TBC1D15: variants seen among roughly 807,000 people sequenced by gnomAD.
The protein encoded by TBC1D15 is GAP for RAB7.
Under a neutral mutation model 95.4 loss-of-function variants are expected in TBC1D15, and 39 were observed. That is an observed-to-expected ratio of 0.41 (90% CI 0.32 to 0.53). The LOEUF is 0.53. Among genes scored for constraint, TBC1D15 ranks in the 20% least tolerant of loss-of-function variants. The pLI, the probability that TBC1D15 is intolerant of heterozygous loss-of-function variation, is 0.29. For missense variants in TBC1D15, 733 were observed against 794.3 expected (o/e 0.92, Z 0.93); for synonymous variants, 258 against 261.3 (o/e 0.99, Z 0.12).
At chr12:71,912,972 TAAA>T (rs1187636862) in intron 11 of TBC1D15, among the ~76,000 whole-genome samples, 1 of 152,074 alleles carries the variant, frequency 6.6e-6, no homozygotes, top group Non-Finnish European at 1.5e-5. Context: ...TAAGAGGAAG[TAAA>T]AAAGAAGTTT....
intron 3 of TBC1D15, among the ~76,000 whole-genome samples, chr12:71,880,200 A>G (rs1313815117): frequency 6.6e-6 from 1 of 152,000 alleles, no homozygotes; most frequent in Admixed American, 6.6e-5. Context: ...TGAGGCTTTT[A>G]TTATGAAAGC....
rs576469289 is a variant in TBC1D15, at chr12:71,843,684, T to G, written c.30+3873T>G. 5.3e-4 allele frequency among the ~76,000 whole-genome samples: 80 copies of G among 152,286 alleles called. 4 individuals are homozygous for G. In the South Asian group the frequency reaches 0.015, roughly 29 times the overall value. On this transcript the variant is annotated intron_variant, in intron 1 of 16. Coordinates refer to ENST00000485960, the MANE Select transcript of TBC1D15 (RefSeq NM_001146213.3). ...ATTTATTTTTGGGACAGTCTTGCTC[T>G]GTCACCCAGGCTGGAGTGCAGTGGT...
At chr12:71,860,800 A>G (rs544277709) in intron 1 of TBC1D15, among the ~76,000 whole-genome samples, 15 of 152,294 alleles carry the variant, frequency 9.8e-5, no homozygotes, top group African/African-American at 3.6e-4. Context: ...CTTGTCTTGT[A>G]CCAGATCTTA....
chr12:71,918,944 CTTTTA>C (rs77216294), intron 14 of TBC1D15, among the ~76,000 whole-genome samples: 13,931 of 151,996 alleles, frequency 0.092, 702 homozygotes, highest in South Asian at 0.14. Context: ...ATTTTTTCAA[CTTTTA>C]TTTTAGGTTC....
At chr12:71,861,272 A>G in intron 1 of TBC1D15, 1 of 436,056 alleles carries the variant, frequency 2.3e-6, no homozygotes, top group East Asian at 3.6e-5. Context: ...AGAGTTTGGG[A>G]AGAATTGACA....
chr12:71,878,563 T>G (rs1426482154), intron 3 of TBC1D15, among the ~76,000 whole-genome samples: 3 of 151,450 alleles, frequency 2.0e-5, no homozygotes, highest in African/African-American at 4.8e-5. Flanking sequence ...TCATCCAGGC[T>G]GGAGTGCAGT....
At chr12:71,898,706 G>T (rs1451526466) in intron 10 of TBC1D15, among the ~76,000 whole-genome samples, 1 of 151,984 alleles carries the variant, frequency 6.6e-6, no homozygotes, top group African/African-American at 2.4e-5. Context: ...TATTGTATCT[G>T]GATTTGTATA....
intron 1 of TBC1D15, among the ~76,000 whole-genome samples, chr12:71,856,795 C>G (rs868733072): frequency 2.6e-5 from 4 of 152,116 alleles, no homozygotes; most frequent in Non-Finnish European, 5.9e-5. Context: ...TTGTCAGTGT[C>G]CATATATGCT....
intron 10 of TBC1D15, among the ~76,000 whole-genome samples, chr12:71,904,413 T>C (rs1900176158): frequency 6.6e-6 from 1 of 152,096 alleles, no homozygotes; most frequent in African/African-American, 2.4e-5. Context: ...TAAACAGATG[T>C]AGAGAAAATG....
intron 10 of TBC1D15, among the ~76,000 whole-genome samples, chr12:71,898,791 T>A (rs985379081): frequency 3.3e-5 from 5 of 152,176 alleles, no homozygotes; most frequent in African/African-American, 4.8e-5. Context: ...AATAATTTTT[T>A]AAATTATATT....
At chr12:71,848,377 C>A (rs1030313714) in intron 1 of TBC1D15, among the ~76,000 whole-genome samples, 1 of 152,122 alleles carries the variant, frequency 6.6e-6, no homozygotes, top group Non-Finnish European at 1.5e-5. Flanking sequence ...TAATTTTAGC[C>A]ATTCTAATAG....
At chr12:71,900,019 A>C (rs1899006026) in intron 10 of TBC1D15, among the ~76,000 whole-genome samples, 1 of 152,120 alleles carries the variant, frequency 6.6e-6, no homozygotes, top group African/African-American at 2.4e-5. Context: ...GATAGAGTTG[A>C]TAAGACTTTC....
rs78095678 is a variant in TBC1D15, at chr12:71,840,584, G to A, written c.30+773G>A. ...GAGGGCACATCTTATGCATAGTTAG[G>A]GCTATCAGCTTTATGATATGCCACC... is the stretch of plus-strand genomic sequence containing the variant. On this transcript the variant is annotated intron_variant, in intron 1 of 16. Coordinates refer to ENST00000485960, the MANE Select transcript of TBC1D15 (RefSeq NM_001146213.3). Among the ~76,000 whole-genome samples the A allele has an allele frequency of 7.9e-3, 1,197 of 152,202 alleles. 19 individuals are homozygous for A. The highest frequency in any genetic ancestry group is 0.028 in the African/African-American group (1,158 of 41,522).
At chr12:71,848,720 C>T (rs1243181961) in intron 1 of TBC1D15, among the ~76,000 whole-genome samples, 2 of 152,084 alleles carry the variant, frequency 1.3e-5, no homozygotes, top group East Asian at 3.9e-4. Flanking sequence ...TTTTTTAAAG[C>T]ATAAACTTTC....
intron 1 of TBC1D15, among the ~76,000 whole-genome samples, chr12:71,863,647 A>G (rs1460999339): frequency 6.6e-6 from 1 of 151,974 alleles, no homozygotes; most frequent in African/African-American, 2.4e-5. Flanking sequence ...GTCTCTCATC[A>G]CTTTGGAAGT....
rs1405003277 is a variant in TBC1D15 at position 71,897,927 on chromosome 12, A to G, written c.1169A>G (p.Tyr390Cys). ...QEKRNSRLRD[Y>C]RSLIEKDVNR... is the part of the protein sequence containing the mutation. Reference sequence around the variant, plus strand: ...AAAAGAAATTCGAGGTTAAGAGATTATAGAAGTCTTATCGGTAATTTTTTC... The same window carrying G: ...AAAAGAAATTCGAGGTTAAGAGATTGTAGAAGTCTTATCGGTAATTTTTTC... Residue 390 changes from tyrosine to cysteine, a missense_variant, in exon 10 of 17, where the codon TAT (tyrosine) becomes TGT (cysteine). Transcript: ENST00000485960. The G allele has an allele frequency of 1.9e-6, 3 of 1,612,088 alleles. No homozygotes were observed. The highest frequency in any genetic ancestry group is 2.5e-6 in the Non-Finnish European group (3 of 1,178,694).
rs956501648 is a variant in TBC1D15 at position 71,897,860 on chromosome 12, A to G, written c.1102A>G (p.Arg368Gly). Residue 368 changes from arginine to glycine, a missense_variant, in exon 10 of 17, where the codon AGA (arginine) becomes GGA (glycine). Arg to Gly is a moderately radical substitution (Grantham distance 125). Coordinates refer to ENST00000485960, the MANE Select transcript of TBC1D15 (RefSeq NM_001146213.3). ...TGTTTTCTATAGTGATGAATACTTC[A>G]GAATGAAACTGCAGTGGAAATCCAT... ...LQKQKTDEYFRMKLQWKSISQ... is the reference protein window; with the variant it reads ...LQKQKTDEYFGMKLQWKSISQ... The G allele has an allele frequency of 7.4e-6, 12 of 1,612,446 alleles. No homozygotes were observed. Among genetic ancestry groups the G allele is most frequent in the Non-Finnish European group, 9.3e-6 (11 of 1,178,880 alleles).
intron 6 of TBC1D15, 113 bp downstream of exon 6, chr12:71,893,437 G>T: frequency 1.2e-5 from 6 of 519,418 alleles, no homozygotes; most frequent in Non-Finnish European, 1.6e-5. Context: ...TATATACATA[G>T]ATATGTGTGT....
chr12:71,883,241 C>T (rs1390211478), intron 4 of TBC1D15, among the ~76,000 whole-genome samples: 2 of 151,540 alleles, frequency 1.3e-5, no homozygotes, highest in African/African-American at 4.8e-5. Flanking sequence ...TTAAATGATT[C>T]ATGAATAAGT....
Sources: allele counts gnomAD v4.1 joint callset (sites outside exome capture counted in the v4.1 genomes callset), GRCh38; gene constraint gnomAD v4.1.1; transcripts MANE v1.5; gene names NCBI Gene and HGNC (gene_info 2026-07-23, HGNC 2026-07-21).